The following SAMSN1 variants were observed in gnomAD, a reference collection of about 807,000 sequenced individuals.
The protein encoded by SAMSN1 is SAM domain, SH3 domain and nuclear localization signals 1.
Under a neutral mutation model 42.0 loss-of-function variants are expected in SAMSN1, and 31 were observed. That is an observed-to-expected ratio of 0.74 (90% CI 0.55 to 1.00). The LOEUF (loss-of-function observed/expected upper bound fraction) is 1.00, where lower values mean the gene tolerates loss of function less well. Ranked by LOEUF, SAMSN1 falls within the 50% of genes least tolerant of loss-of-function variation. The pLI, the probability that SAMSN1 is intolerant of heterozygous loss-of-function variation, is 0.00. For missense variants in SAMSN1, 464 were observed against 439.4 expected, an observed-to-expected ratio of 1.06 and a Z score of -0.50; for synonymous variants, 178 against 151.9, an observed-to-expected ratio of 1.17 and a Z score of -1.26.
intron 2 of SAMSN1, among the ~76,000 whole-genome samples, chr21:14,581,947 G>A (rs1981744794): frequency 6.6e-6 from 1 of 152,158 alleles, no homozygotes; most frequent in Admixed American, 6.5e-5. Context: ...TGTACACAAA[G>A]GAATATATGA....
intron 5 of SAMSN1, among the ~76,000 whole-genome samples, chr21:14,606,663 A>G (rs1982578602): frequency 6.6e-6 from 1 of 152,204 alleles, no homozygotes; most frequent in African/African-American, 2.4e-5. Context: ...AGCTATGCCA[A>G]TTTTTTAGTT....
At chr21:14,644,803 T>C (rs1176537251) in intron 1 of SAMSN1, among the ~76,000 whole-genome samples, 1 of 151,726 alleles carries the variant, frequency 6.6e-6, no homozygotes, top group Admixed American at 6.6e-5. Context: ...CCCTGCAGGG[T>C]AAATCCCAGG....
chr21:14,567,375 T>C (rs1262389693), intron 2 of SAMSN1, among the ~76,000 whole-genome samples: 2 of 151,780 alleles, frequency 1.3e-5, no homozygotes, highest in Non-Finnish European at 2.9e-5. Flanking sequence ...AAAAAGATTA[T>C]GTTAAAATGA....
At chr21:14,581,451 T>A (rs1240546050) in intron 2 of SAMSN1, among the ~76,000 whole-genome samples, 2 of 130,250 alleles carry the variant, frequency 1.5e-5, no homozygotes, top group East Asian at 5.1e-4. Flanking sequence ...CTCCACCTCC[T>A]GGGTTCACGC....
intron 1 of SAMSN1, among the ~76,000 whole-genome samples, chr21:14,538,142 C>T (rs1277959398): frequency 3.3e-5 from 5 of 151,952 alleles, no homozygotes; most frequent in East Asian, 1.9e-4. Flanking sequence ...GTTTTTGGAG[C>T]GGACGGAGGT....
chr21:14,568,644 C>G (rs1600935286), intron 2 of SAMSN1, among the ~76,000 whole-genome samples: 2 of 152,238 alleles, frequency 1.3e-5, no homozygotes, highest in South Asian at 4.1e-4. Context: ...GAAACCCCAG[C>G]TAATGTCAGC....
intron 2 of SAMSN1, among the ~76,000 whole-genome samples, chr21:14,561,060 G>C (rs565695163): frequency 6.6e-6 from 1 of 152,160 alleles, no homozygotes; most frequent in Non-Finnish European, 1.5e-5. Flanking sequence ...CATGTAGCCA[G>C]AGGTTACAAT....
intron 2 of SAMSN1, among the ~76,000 whole-genome samples, chr21:14,571,603 G>C (rs1332749984): frequency 6.6e-6 from 1 of 152,092 alleles, no homozygotes. Flanking sequence ...ATGACTGAGC[G>C]ATATATTATG....
chr21:14,638,475 T>C (rs539526738), intron 2 of SAMSN1, among the ~76,000 whole-genome samples: 29 of 152,316 alleles, frequency 1.9e-4, no homozygotes, highest in Admixed American at 1.8e-3. Flanking sequence ...GAAAATCAGA[T>C]AGAAATATTT....
chr21:14,599,762 CA>C (rs1982379439), intron 6 of SAMSN1, among the ~76,000 whole-genome samples: 1 of 152,134 alleles, frequency 6.6e-6, no homozygotes, highest in Admixed American at 6.6e-5. Context: ...AGACCTTCAC[CA>C]AATGCAGATG....
intron 4 of SAMSN1, among the ~76,000 whole-genome samples, chr21:14,610,870 G>A (rs1056179262): frequency 2.6e-5 from 4 of 152,128 alleles, no homozygotes; most frequent in Non-Finnish European, 4.4e-5. Flanking sequence ...TTACTTTAAC[G>A]TCTCTTGATA....
chr21:14,573,945 T>C (rs1052065461), intron 2 of SAMSN1, among the ~76,000 whole-genome samples: 3 of 152,198 alleles, frequency 2.0e-5, no homozygotes, highest in Non-Finnish European at 4.4e-5. Flanking sequence ...TATAGTTTGC[T>C]TAGCAGTATT....
chr21:14,656,893 T>G lies in SAMSN1; in HGVS notation c.24+1855A>C, dbSNP rs9982404. Among the ~76,000 whole-genome samples the G allele has an allele frequency of 9.2e-3, 1,400 of 151,990 alleles. 28 individuals are homozygous for G. The highest frequency in any genetic ancestry group is 0.032 in the African/African-American group (1,325 of 41,530). ...CACCTGCTTCCCAGAGATTTAAAGG[T>G]CAGTGTTTTTACATATACCTTCATT... On this transcript the variant is annotated intron_variant, in intron 1 of 15. Transcript: ENST00000647101.
At chr21:14,627,389 A>G (rs1424167273) in intron 2 of SAMSN1, among the ~76,000 whole-genome samples, 1 of 152,284 alleles carries the variant, frequency 6.6e-6, no homozygotes, top group East Asian at 1.9e-4. Flanking sequence ...GTCTTCCAAA[A>G]TTTTTCACCA....
At chr21:14,593,758 A>G (rs1241818145) in intron 7 of SAMSN1, 1 of 292,808 alleles carries the variant, frequency 3.4e-6, no homozygotes, top group Non-Finnish European at 6.3e-6. Flanking sequence ...CTCAGGAAAA[A>G]TTGCTAAATT....
chr21:14,557,095 T>C (rs917623389), intron 2 of SAMSN1, among the ~76,000 whole-genome samples: 3 of 152,178 alleles, frequency 2.0e-5, no homozygotes, highest in Admixed American at 6.5e-5. Context: ...ACACTCAGAC[T>C]GTTTTCTGCT....
At chr21:14,512,228 A>G (rs1369929447) in intron 4 of SAMSN1, among the ~76,000 whole-genome samples, 3 of 152,352 alleles carry the variant, frequency 2.0e-5, no homozygotes, top group Admixed American at 1.3e-4. Flanking sequence ...CCCGTTGACT[A>G]CAGTGTTAAA....
chr21:14,498,010 T>C (rs781177823), intron 7 of SAMSN1, among the ~76,000 whole-genome samples: 41 of 152,338 alleles, frequency 2.7e-4, no homozygotes, highest in Middle Eastern at 3.4e-3. Context: ...GATGTGACTA[T>C]GTGGTCATAA....
At chr21:14,516,696 A>G (rs1320692434) in intron 3 of SAMSN1, among the ~76,000 whole-genome samples, 196 bp downstream of exon 3, 1 of 152,172 alleles carries the variant, frequency 6.6e-6, no homozygotes, top group African/African-American at 2.4e-5. Flanking sequence ...CAGCAGATGC[A>G]TGATCTTTCT....
Sources: gnomAD v4.1 joint callset for allele counts (sites outside exome capture counted in the v4.1 genomes callset) on GRCh38, gnomAD v4.1.1 for gene constraint, MANE v1.5 for transcripts, NCBI Gene and HGNC (gene_info 2026-07-23, HGNC 2026-07-21) for gene names.